The following SLC7A9 variants were observed in gnomAD, a reference collection of about 807,000 sequenced individuals.
SLC7A9 encodes solute carrier family 7 member 9.
Under a neutral mutation model 54.1 loss-of-function variants are expected in SLC7A9, and 38 were observed. The ratio of observed to expected loss-of-function variants is 0.70; its 90% CI spans 0.54 to 0.92. The LOEUF (loss-of-function observed/expected upper bound fraction) is 0.92. SLC7A9 is among the 40% of genes least tolerant of loss of function. SLC7A9 has a pLI of 0.00. For missense variants in SLC7A9, 537 were observed against 636.1 expected, an observed-to-expected ratio of 0.84 and a Z score of 1.68; for synonymous variants, 264 against 258.9, an observed-to-expected ratio of 1.02 and a Z score of -0.19.
chr19:32,858,597 G>GC, intron 8 of SLC7A9, 54 bp from the exon 9 acceptor site: 1 of 1,439,898 alleles, frequency 6.9e-7, no homozygotes, highest in Non-Finnish European at 9.6e-7. Context: ...TCCAAGAGCG[G>GC]CCGGCCCCCA....
chr19:32,858,422 AC>A lies in SLC7A9; in HGVS notation c.977+17del. On this transcript the variant is annotated intron_variant, in intron 9 of 12. Transcript: ENST00000023064. The stretch of plus-strand genomic sequence containing the variant: ...GCCGCCCCTGTCCACCCTGGGAGTG[AC>A]GGTGGGGGTCCCCTACCTGCCCGCT... 1 of 1,561,388 alleles carries A rather than the reference AC, an allele frequency of 6.4e-7. No homozygotes were observed. The highest frequency in any genetic ancestry group is 8.8e-7 in the Non-Finnish European group (1 of 1,133,878).
At chr19:32,834,170 G>C (rs1446739532) in intron 11 of SLC7A9, among the ~76,000 whole-genome samples, 1 of 152,140 alleles carries the variant, frequency 6.6e-6, no homozygotes, top group Non-Finnish European at 1.5e-5. Context: ...CACTGTCCTG[G>C]GCCCTGGGAA....
intron 7 of SLC7A9, chr19:32,860,331 C>T (rs1241050422): frequency 1.2e-5 from 17 of 1,375,034 alleles, no homozygotes; most frequent in Middle Eastern, 5.4e-4. Flanking sequence ...CCGAGATGGG[C>T]GAATCTCTTG....
chr19:32,857,241 C>T (rs1426160116), intron 9 of SLC7A9, among the ~76,000 whole-genome samples: 1 of 151,880 alleles, frequency 6.6e-6, no homozygotes, highest in Non-Finnish European at 1.5e-5. Flanking sequence ...GCCAGGAGTT[C>T]GAAATGGGCC....
intron 11 of SLC7A9, among the ~76,000 whole-genome samples, chr19:32,834,490 C>T (rs1169173422): frequency 3.3e-5 from 5 of 151,862 alleles, no homozygotes; most frequent in Admixed American, 2.6e-4. Context: ...ATTAGCCGGG[C>T]GTGATGGCAG....
chr19:32,842,057 AAG>A (rs1568515437), intron 11 of SLC7A9, 109 bp downstream of exon 11: 1 of 1,067,366 alleles, frequency 9.4e-7, no homozygotes, highest in Non-Finnish European at 1.4e-6. Flanking sequence ...GATATTTTAA[AAG>A]AGTCAAGTCA....
chr19:32,867,106 T>G (rs10404771), intron 2 of SLC7A9, among the ~76,000 whole-genome samples: 32,528 of 152,222 alleles, frequency 0.21, 3,734 homozygotes, highest in East Asian at 0.51. Flanking sequence ...CCCTGGTAGA[T>G]GCCTCTAAGA....
chr19:32,857,967 G>A (rs922471908), intron 9 of SLC7A9, among the ~76,000 whole-genome samples: 3 of 152,150 alleles, frequency 2.0e-5, no homozygotes, highest in African/African-American at 7.2e-5. Flanking sequence ...GCCCTTTAAG[G>A]GAAAGTTAGC....
chr19:32,844,228 C>T (rs1968214863), intron 9 of SLC7A9, among the ~76,000 whole-genome samples: 1 of 152,114 alleles, frequency 6.6e-6, no homozygotes. Flanking sequence ...TCACTTGAGC[C>T]CAGGAGTTGG....
At chr19:32,857,287 T>C (rs1350445855) in intron 9 of SLC7A9, among the ~76,000 whole-genome samples, 1 of 151,912 alleles carries the variant, frequency 6.6e-6, no homozygotes, top group Non-Finnish European at 1.5e-5. Context: ...TGACTAAGAA[T>C]ACAAAAGTTA....
chr19:32,842,195 T>C lies in SLC7A9; in HGVS notation c.1197A>G (p.Thr399=), dbSNP rs1216994444. The change falls in exon 11 of 13, where the codon ACA becomes ACG. Residue 399 remains threonine (T), a synonymous_variant. Transcript: ENST00000023064. ...TGATAGGCCTTTCCAGCTCTTTCCTTGTAAATCTCATCACGATGAGTCCTA... is the reference window on the plus strand; with the variant it reads ...TGATAGGCCTTTCCAGCTCTTTCCTCGTAAATCTCATCACGATGAGTCCTA... ...TILGLIVMRF[T]RKELERPIKV... 2 of 1,614,166 alleles carry C rather than the reference T, an allele frequency of 1.2e-6. No homozygotes were observed. Among genetic ancestry groups the C allele is most frequent in the Admixed American group, 1.7e-5 (1 of 60,020 alleles).
chr19:32,841,407 G>A (rs184374686), intron 11 of SLC7A9, among the ~76,000 whole-genome samples: 187 of 152,068 alleles, frequency 1.2e-3, no homozygotes, highest in Admixed American at 3.9e-3. Context: ...ATGAGTCTGC[G>A]GCTGGAGTTC....
intron 9 of SLC7A9, among the ~76,000 whole-genome samples, chr19:32,850,578 A>C (rs1327635168): frequency 6.6e-6 from 1 of 151,876 alleles, no homozygotes; most frequent in Non-Finnish European, 1.5e-5. Flanking sequence ...AGGAAGAATC[A>C]ATATTGTGAA....
intron 9 of SLC7A9, among the ~76,000 whole-genome samples, chr19:32,849,881 G>A (rs76820626): frequency 7.9e-5 from 12 of 151,432 alleles, no homozygotes; most frequent in Non-Finnish European, 1.3e-4. Flanking sequence ...TTCAACATTC[G>A]CAAATCAATA....
intron 9 of SLC7A9, among the ~76,000 whole-genome samples, chr19:32,844,866 A>AAAG (rs1227577908): frequency 1.4e-5 from 2 of 144,682 alleles, no homozygotes; most frequent in African/African-American, 5.2e-5. Flanking sequence ...TCAAAAAAAA[A>AAAG]AAAAAAAAAA....
intron 7 of SLC7A9, 175 bp downstream of exon 7, chr19:32,860,431 A>G: frequency 7.1e-7 from 1 of 1,405,070 alleles, no homozygotes; most frequent in Non-Finnish European, 9.4e-7. Flanking sequence ...AGATTGCACC[A>G]CTGCACTCCA....
intron 2 of SLC7A9, among the ~76,000 whole-genome samples, 188 bp from the exon 3 acceptor site, chr19:32,864,964 G>A (rs1292086289): frequency 1.3e-5 from 2 of 152,214 alleles, no homozygotes; most frequent in Admixed American, 1.3e-4. Context: ...ATGTTAACGT[G>A]ATTAATTATC....
At chr19:32,844,030 G>T (rs1267880624) in intron 9 of SLC7A9, 79 bp from the exon 10 acceptor site, 6 of 1,081,454 alleles carry the variant, frequency 5.5e-6, no homozygotes, top group Non-Finnish European at 7.1e-6. Context: ...TGTGCTCCGG[G>T]GTCCACCAAG....
Position 32,858,428 on chromosome 19 carries a change from G to T in SLC7A9, c.977+12C>A. ...CCTGTCCACCCTGGGAGTGACGGTG[G>T]GGGTCCCCTACCTGCCCGCTGTGAA... On this transcript the variant is annotated intron_variant, in intron 9 of 12. Coordinates refer to ENST00000023064, the MANE Select transcript of SLC7A9 (RefSeq NM_014270.5). 6.3e-7 allele frequency: 1 copy of T among 1,598,428 alleles called. No homozygotes were observed. The highest frequency in any genetic ancestry group is 2.2e-5 in the East Asian group (1 of 44,770).
Sources: gnomAD v4.1 joint callset for allele counts (sites outside exome capture counted in the v4.1 genomes callset) on GRCh38, gnomAD v4.1.1 for gene constraint, MANE v1.5 for transcripts, NCBI Gene and HGNC (gene_info 2026-07-23, HGNC 2026-07-21) for gene names.